GNAI1: variants seen among roughly 807,000 people sequenced by gnomAD.
The protein encoded by GNAI1 is guanine nucleotide-binding protein G(i) subunit alpha-1.
In GNAI1, 11 loss-of-function variants were observed where a neutral mutation model predicts 38.9. The observed-to-expected ratio is 0.28, with a 90% confidence interval of 0.18 to 0.47. The LOEUF is 0.47. Ranked by LOEUF, GNAI1 falls within the 20% of genes least tolerant of loss-of-function variation. GNAI1 has a pLI of 0.99. For synonymous variants in GNAI1, 166 were observed against 145.1 expected (o/e 1.14, Z -1.04); for missense variants, 317 against 436.9 (o/e 0.73, Z 2.45).
chr7:80,176,936 CAA>C (rs374205117), intron 1 of GNAI1, among the ~76,000 whole-genome samples: 3,325 of 71,244 alleles, frequency 0.047, 56 homozygotes, highest in African/African-American at 0.12. Flanking sequence ...GACTCTGTCT[CAA>C]AAAAAAAAAA....
At chr7:80,142,543 G>A (rs1368810525) in intron 1 of GNAI1, among the ~76,000 whole-genome samples, 5 of 152,050 alleles carry the variant, frequency 3.3e-5, no homozygotes, top group Non-Finnish European at 4.4e-5. Flanking sequence ...TATGGCATTG[G>A]CCCCATCAGA....
rs185792391 is a variant in GNAI1 at position 80,216,289 on chromosome 7, A to T, written c.875-1014A>T. On this transcript the variant is annotated intron_variant, in intron 7 of 7. Coordinates refer to ENST00000649796, the MANE Select transcript of GNAI1 (RefSeq NM_002069.6). ...CTTCAGGACCCCAGAAAGCCCCATC[A>T]TGCTTCCTCTCAGTCTTAACCAATC... Among the ~76,000 whole-genome samples, 454 of 150,982 alleles carry T rather than the reference A, an allele frequency of 3.0e-3. 6 individuals are homozygous for T. The highest frequency in any genetic ancestry group is 0.011 in the African/African-American group (439 of 41,178).
intron 1 of GNAI1, among the ~76,000 whole-genome samples, chr7:80,164,386 G>T (rs1326734888): frequency 2.1e-5 from 3 of 144,816 alleles, no homozygotes; most frequent in Non-Finnish European, 4.5e-5. Flanking sequence ...TTTTTGAGAC[G>T]GAGTCTTGCT....
chr7:80,155,608 T>C (rs997211268), intron 1 of GNAI1, among the ~76,000 whole-genome samples: 9 of 152,152 alleles, frequency 5.9e-5, no homozygotes, highest in African/African-American at 2.2e-4. Context: ...GGTGTCAAAG[T>C]CAGTGAGTAG....
chr7:80,216,171 A>G (rs1203618666), intron 7 of GNAI1, among the ~76,000 whole-genome samples: 2 of 151,370 alleles, frequency 1.3e-5, no homozygotes, highest in Non-Finnish European at 2.9e-5. Context: ...TATTATGTAC[A>G]TACATACATA....
At chr7:80,144,754 A>G (rs1787589088) in intron 1 of GNAI1, among the ~76,000 whole-genome samples, 1 of 152,230 alleles carries the variant, frequency 6.6e-6, no homozygotes, top group African/African-American at 2.4e-5. Context: ...AATATAATGT[A>G]GTAGGAGTTA....
chr7:80,183,204 C>G (rs34456457), intron 1 of GNAI1, among the ~76,000 whole-genome samples: 28,569 of 151,990 alleles, frequency 0.19, 3,523 homozygotes, highest in African/African-American at 0.34. Flanking sequence ...AGTAAATGCT[C>G]TAAGAAAAAG....
chr7:80,146,776 T>G (rs1371852028), intron 1 of GNAI1, among the ~76,000 whole-genome samples: 4 of 152,226 alleles, frequency 2.6e-5, no homozygotes, highest in African/African-American at 9.6e-5. Flanking sequence ...TCACATCTTA[T>G]CTGGCCTTTG....
At chr7:80,191,940 G>T (rs1278719390) in intron 3 of GNAI1, among the ~76,000 whole-genome samples, 1 of 151,886 alleles carries the variant, frequency 6.6e-6, no homozygotes, top group East Asian at 1.9e-4. Context: ...TCTTTTTCTA[G>T]TTTTTTTCTG....
In GNAI1 at chr7:80,162,796, G is replaced by A. The variant is rs555602956; in HGVS notation, c.119-26155G>A. 2.3e-4 allele frequency among the ~76,000 whole-genome samples: 35 copies of A among 152,262 alleles called. No homozygotes were observed. The South Asian group carries it at 4.8e-3, about 21-fold the overall frequency. On this transcript the variant is annotated intron_variant, in intron 1 of 7. Coordinates refer to ENST00000649796, the MANE Select transcript of GNAI1 (RefSeq NM_002069.6). ...GGATTTGGTGTGGCTGAGCACAATG[G>A]ATGGGTTTTGAGACATCCTGTGGGA...
chr7:80,215,301 G>A (rs1469044118), intron 7 of GNAI1, among the ~76,000 whole-genome samples: 1 of 152,156 alleles, frequency 6.6e-6, no homozygotes, highest in African/African-American at 2.4e-5. Context: ...AGAGCAAATT[G>A]AGCTAGGCAC....
intron 1 of GNAI1, among the ~76,000 whole-genome samples, chr7:80,172,970 C>T (rs1374595564): frequency 6.6e-6 from 1 of 152,160 alleles, no homozygotes; most frequent in Non-Finnish European, 1.5e-5. Context: ...TGTCCTTCAG[C>T]ATCTGTTTTC....
At chr7:80,141,604 A>G (rs961546780) in intron 1 of GNAI1, among the ~76,000 whole-genome samples, 6 of 152,138 alleles carry the variant, frequency 3.9e-5, no homozygotes, top group African/African-American at 1.4e-4. Flanking sequence ...CTTCTTTTCT[A>G]ATGAAGGGTG....
intron 5 of GNAI1, among the ~76,000 whole-genome samples, chr7:80,205,258 G>T (rs958598367): frequency 6.6e-6 from 1 of 152,028 alleles, no homozygotes; most frequent in African/African-American, 2.4e-5. Context: ...AGAATTAAAT[G>T]AGTTGTAGAC....
At chr7:80,146,636 C>G (rs1156748073) in intron 1 of GNAI1, among the ~76,000 whole-genome samples, 1 of 152,046 alleles carries the variant, frequency 6.6e-6, no homozygotes, top group East Asian at 1.9e-4. Flanking sequence ...GGGGTGGGGC[C>G]TGAGATTCTG....
intron 1 of GNAI1, among the ~76,000 whole-genome samples, chr7:80,183,128 T>G (rs1788323629): frequency 6.6e-6 from 1 of 152,186 alleles, no homozygotes; most frequent in Admixed American, 6.5e-5. Flanking sequence ...CTATTTTGTT[T>G]TCAAAAGAAT....
intron 1 of GNAI1, among the ~76,000 whole-genome samples, chr7:80,186,840 A>T (rs546278789): frequency 6.6e-6 from 1 of 152,216 alleles, no homozygotes; most frequent in African/African-American, 2.4e-5. Context: ...TGCCTAGGTT[A>T]TATTGCTTGG....
intron 7 of GNAI1, 80 bp from the exon 8 acceptor site, chr7:80,217,223 T>TATGTATGAAACTGACTTCAGTTTCTG: frequency 1.1e-6 from 1 of 910,892 alleles, no homozygotes; most frequent in Non-Finnish European, 1.6e-6. Context: ...TTCAGTTTCA[T>TATGTATGAAACTGACTTCAGTTTCTG]ATGTATGAAA....
intron 1 of GNAI1, among the ~76,000 whole-genome samples, chr7:80,148,161 C>T (rs1033293282): frequency 6.6e-6 from 1 of 152,074 alleles, no homozygotes; most frequent in Non-Finnish European, 1.5e-5. Context: ...TTGAGTTTTA[C>T]TGCTTTTTGC....
Sources: gnomAD v4.1 joint callset for allele counts (sites outside exome capture counted in the v4.1 genomes callset) on GRCh38, gnomAD v4.1.1 for gene constraint, MANE v1.5 for transcripts, NCBI Gene and HGNC (gene_info 2026-07-23, HGNC 2026-07-21) for gene names.